The following RUFY2 variants were observed in gnomAD, a reference collection of about 807,000 sequenced individuals.
RUFY2 encodes the protein RUN and FYVE domain containing 2, also known as RUN and FYVE domain-containing protein 2.
RUFY2 carries 49 observed loss-of-function variants against 94.4 expected under a neutral mutation model. That is an observed-to-expected ratio of 0.52 (90% CI 0.41 to 0.66). The LOEUF (loss-of-function observed/expected upper bound fraction) is 0.66. Among genes scored for constraint, RUFY2 ranks in the 30% least tolerant of loss-of-function variants. RUFY2 has a pLI of 0.00. For synonymous variants in RUFY2, 255 were observed against 235.7 expected, an observed-to-expected ratio of 1.08 and a Z score of -0.75; for missense variants, 541 against 692.8, an observed-to-expected ratio of 0.78 and a Z score of 2.46.
intron 16 of RUFY2, 22 bp from the exon 17 acceptor site, chr10:68,346,106 T>C: frequency 1.9e-6 from 3 of 1,572,762 alleles, no homozygotes; most frequent in East Asian, 2.2e-5. Context: ...AAAATATTAA[T>C]GCTCAAATTG....
At position 68,396,935 on chromosome 10, in the gene RUFY2, T is replaced by C. The variant is rs2050437458; in HGVS notation, c.297-54A>G. ...ACAGCCCTAGCCCAAAGATCACATCTTCTGTCTCTAGAGGTAAACATTAAC... is the reference window on the plus strand; with the variant it reads ...ACAGCCCTAGCCCAAAGATCACATCCTCTGTCTCTAGAGGTAAACATTAAC... On this transcript the variant is annotated intron_variant, in intron 3 of 17. Coordinates refer to ENST00000602465, the MANE Select transcript of RUFY2 (RefSeq NM_001330103.2). 3.4e-6 allele frequency: 4 copies of C among 1,179,440 alleles called. No individual in the cohort carries two copies. In the East Asian group the frequency reaches 9.4e-5, roughly 28 times the overall value. The allele number at this position is 1,179,440 out of a possible 1,614,324, so 73.1% of individuals were successfully genotyped here.
chr10:68,380,191 C>T (rs893874529), intron 11 of RUFY2, among the ~76,000 whole-genome samples: 2 of 151,228 alleles, frequency 1.3e-5, no homozygotes, highest in African/African-American at 4.9e-5. Context: ...CCTCCCATCT[C>T]GGCCTCCCTA....
intron 6 of RUFY2, 31 bp downstream of exon 6, chr10:68,394,044 C>A: frequency 6.7e-7 from 1 of 1,488,826 alleles, no homozygotes; most frequent in South Asian, 1.3e-5. Flanking sequence ...ATAAAAAACC[C>A]AATATGTGAA....
At chr10:68,395,080 G>T (rs950399452) in intron 4 of RUFY2, among the ~76,000 whole-genome samples, 3 of 150,916 alleles carry the variant, frequency 2.0e-5, no homozygotes, top group African/African-American at 7.3e-5. Flanking sequence ...GCTCACGCCT[G>T]TAATCCCAGC....
At chr10:68,405,242 G>A (rs1477800314) in intron 1 of RUFY2, among the ~76,000 whole-genome samples, 2 of 151,156 alleles carry the variant, frequency 1.3e-5, no homozygotes, top group Non-Finnish European at 2.9e-5. Context: ...GAACCCAGGA[G>A]GCGGAGATTG....
At chr10:68,378,525 T>C in intron 12 of RUFY2, 1 of 1,482,232 alleles carries the variant, frequency 6.7e-7, no homozygotes, top group East Asian at 2.4e-5. Context: ...AATTGTTGAT[T>C]CTCTTTTCAT....
At chr10:68,389,702 G>A (rs1306042973) in intron 7 of RUFY2, among the ~76,000 whole-genome samples, 1 of 152,168 alleles carries the variant, frequency 6.6e-6, no homozygotes, top group African/African-American at 2.4e-5. Context: ...GCCCAGGCGG[G>A]TGGATTGCTT....
chr10:68,405,540 TAGC>T (rs1190903765), intron 1 of RUFY2: 1 of 739,898 alleles, frequency 1.4e-6, no homozygotes, highest in Non-Finnish European at 1.6e-6. Flanking sequence ...AAAAGGTAGA[TAGC>T]AGGTACGGTC....
intron 4 of RUFY2, among the ~76,000 whole-genome samples, chr10:68,396,202 T>C (rs1278629252): frequency 6.6e-6 from 1 of 151,958 alleles, no homozygotes; most frequent in Non-Finnish European, 1.5e-5. Context: ...TTTCACCACG[T>C]TGGTCTCGAA....
At chr10:68,406,179 AAC>A (rs1400163248) in intron 1 of RUFY2, among the ~76,000 whole-genome samples, 149 of 152,000 alleles carry the variant, frequency 9.8e-4, no homozygotes, top group African/African-American at 3.4e-3. Context: ...CAACAACAAC[AAC>A]AAAAAACCCA....
chr10:68,346,095 G>A lies in RUFY2; in HGVS notation c.1600-11C>T, dbSNP rs1382258180. On this transcript the variant is annotated splice_polypyrimidine_tract_variant and intron_variant, in intron 16 of 17. Transcript: ENST00000602465. ...CAGCCAAACCAGTCCCTAGTAGGAA[G>A]AAAATATTAATGCTCAAATTGGTAA... is the stretch of plus-strand genomic sequence containing the variant. 1 of 1,598,222 alleles carries A rather than the reference G, an allele frequency of 6.3e-7. No individual in the cohort carries two copies. Among genetic ancestry groups the A allele is most frequent in the Non-Finnish European group, 8.5e-7 (1 of 1,172,172 alleles).
At position 68,379,573 on chromosome 10, in the gene RUFY2, G is replaced by A. The variant is rs761900310; in HGVS notation, c.1108-52C>T. The A allele has an allele frequency of 4.5e-5, 39 of 862,696 alleles. No homozygotes were observed. The African/African-American group carries it at 5.2e-4, about 11-fold the overall frequency. The allele number at this position is 862,696 out of a possible 1,614,324, so 53.4% of individuals were successfully genotyped here. ...GGTTTTGATTTGTGTGTGTGTGTTT[G>A]TGTGTGTGTGTGTGTGCGTGTTTTT... is the stretch of plus-strand genomic sequence containing the variant. On this transcript the variant is annotated intron_variant, in intron 11 of 17. Transcript: ENST00000602465.
Position 68,381,271 on chromosome 10 carries a change from T to C in RUFY2, c.1068A>G (p.Glu356=). The change falls in exon 11 of 18, where the codon GAA becomes GAG. Residue 356 remains glutamate, a synonymous_variant. Transcript: ENST00000602465. ...ACATCTCTATGTTAATTGCTTTAAC[T>C]TCCTCTAGTTGTTGTCGAAGGCCTA... ...TLIGLRQQLE[E]VKAINIEMYQ... 3 of 1,613,364 alleles carry C rather than the reference T, an allele frequency of 1.9e-6. No individual in the cohort carries two copies.
chr10:68,379,587 G>T, intron 11 of RUFY2, 66 bp from the exon 12 acceptor site: 1 of 1,191,156 alleles, frequency 8.4e-7, no homozygotes, highest in African/African-American at 1.6e-5. Context: ...GTGTGTGTGT[G>T]TGCGTGTTTT....
At chr10:68,379,127 AT>A (rs1223788274) in intron 12 of RUFY2, 3 of 287,860 alleles carry the variant, frequency 1.0e-5, no homozygotes, top group African/African-American at 2.2e-5. Flanking sequence ...TTCATTTTTA[AT>A]TTTTTTGACA....
intron 13 of RUFY2, among the ~76,000 whole-genome samples, chr10:68,368,153 G>A (rs571819402): frequency 1.3e-5 from 2 of 151,080 alleles, no homozygotes; most frequent in African/African-American, 4.9e-5. Context: ...ATTTTTAGTA[G>A]AGATGGGGTT....
chr10:68,372,278 T>C (rs1169793655), intron 13 of RUFY2, among the ~76,000 whole-genome samples: 1 of 152,008 alleles, frequency 6.6e-6, no homozygotes, highest in Non-Finnish European at 1.5e-5. Context: ...TATGCTACTA[T>C]CATCCTAGCT....
chr10:68,394,084 T>C lies in RUFY2; in HGVS notation c.575A>G (p.Asn192Ser). 4.6e-6 allele frequency: 7 copies of C among 1,508,870 alleles called. No individual in the cohort carries two copies. Among genetic ancestry groups the C allele is most frequent in the Non-Finnish European group, 5.4e-6 (6 of 1,121,332 alleles). The allele number at this position is 1,508,870 out of a possible 1,614,324, so 93.5% of individuals were successfully genotyped here. A position where few individuals can be genotyped will look rare whatever the true frequency, so the allele number is the denominator to read the frequency against. The change falls in exon 6 of 18, where the codon AAT becomes AGT. Residue 192 changes from asparagine to serine, a missense_variant. Asn to Ser is a conservative substitution (Grantham distance 46, BLOSUM62 1). Transcript: ENST00000602465. Reference protein sequence around the residue: ...MYLKNEEDIGNKERNVQIAAI... With the variant: ...MYLKNEEDIGSKERNVQIAAI... ...CTTATGAAAATCATACCTTTCTTTA[T>C]TTCCAATATCTTCTTCATTCTTTAA...
At chr10:68,352,668 C>T (rs528479925) in intron 16 of RUFY2, among the ~76,000 whole-genome samples, 9 of 152,270 alleles carry the variant, frequency 5.9e-5, no homozygotes, top group East Asian at 1.9e-4. Flanking sequence ...CGGTGGCTCA[C>T]ACCTGTAATC....
Sources: allele counts gnomAD v4.1 joint callset (sites outside exome capture counted in the v4.1 genomes callset), GRCh38; gene constraint gnomAD v4.1.1; transcripts MANE v1.5; gene names NCBI Gene and HGNC (gene_info 2026-07-23, HGNC 2026-07-21).